The following GRK7 variants were observed in gnomAD, a reference collection of about 807,000 sequenced individuals.
GRK7 encodes rhodopsin kinase GRK7.
GRK7 carries 24 observed loss-of-function variants against 34.1 expected under a neutral mutation model. That is an observed-to-expected ratio of 0.70 (90% CI 0.51 to 0.99). GRK7 has a LOEUF of 0.99. Ranked by LOEUF, GRK7 falls within the 50% of genes least tolerant of loss-of-function variation. The pLI is 0.00. For synonymous variants in GRK7, 256 were observed against 279.4 expected (o/e 0.92, Z 0.84); for missense variants, 644 against 707.3 (o/e 0.91, Z 1.02).
chr3:141,755,669 T>G, the GRK7 span, among the ~76,000 whole-genome samples: 6,342 of 152,074 alleles, frequency 0.042, 163 homozygotes, highest in Non-Finnish European at 0.056. Flanking sequence ...TCAAATTAAA[T>G]AGACTGATAA....
At chr3:141,766,705 A>T (rs1211913938) in intron 1 of GRK7, among the ~76,000 whole-genome samples, 1 of 152,224 alleles carries the variant, frequency 6.6e-6, no homozygotes, top group Non-Finnish European at 1.5e-5. Flanking sequence ...CATATTCGCC[A>T]CATATCAAAT....
intron 4 of GRK7, among the ~76,000 whole-genome samples, chr3:141,805,098 A>G (rs1371868656): frequency 6.6e-6 from 1 of 150,708 alleles, no homozygotes; most frequent in Admixed American, 6.6e-5. Flanking sequence ...TCACATACAC[A>G]CACAATCACA....
intron 4 of GRK7, 92 bp downstream of exon 4, chr3:141,780,903 G>A: frequency 8.5e-7 from 1 of 1,181,208 alleles, no homozygotes; most frequent in Non-Finnish European, 1.2e-6. Context: ...TAGAGCCTTG[G>A]ACTTAATTCT....
intron 4 of GRK7, among the ~76,000 whole-genome samples, chr3:141,791,084 A>C (rs1182649741): frequency 2.6e-5 from 4 of 152,220 alleles, no homozygotes; most frequent in Non-Finnish European, 5.9e-5. Flanking sequence ...AAAATTTGCT[A>C]TTTTGTTAGG....
chr3:141,779,654 A>C (rs1045742731), intron 3 of GRK7, among the ~76,000 whole-genome samples: 7 of 152,156 alleles, frequency 4.6e-5, no homozygotes. Flanking sequence ...AGACACTCTC[A>C]TCACCCCTGT....
In GRK7 at chr3:141,806,918, T is replaced by C. The variant is rs140707186; in HGVS notation, c.1051-727T>C. The stretch of plus-strand genomic sequence containing the variant: ...ACACACAAGTATATATAAATAGATA[T>C]GTCTTATATATAGAAATAAATATGT... On this transcript the variant is annotated intron_variant, in intron 4 of 5. Transcript: ENST00000682958. Among the ~76,000 whole-genome samples the C allele has an allele frequency of 1.5e-3, 222 of 151,892 alleles. 1 individual carries two copies. Among genetic ancestry groups the C allele is most frequent in the Admixed American group, 3.6e-3 (55 of 15,244 alleles).
At position 141,764,693 on chromosome 3, in the gene GRK7, C is replaced by T. The variant is rs1038678009; in HGVS notation, c.-1260C>T. Among the ~76,000 whole-genome samples the T allele has an allele frequency of 3.9e-5, 6 of 152,126 alleles. No individual in the cohort carries two copies. The East Asian group carries it at 7.7e-4, about 20-fold the overall frequency. ...TCCCAGTGAGTATCTCCAGCCCAGC[C>T]CTCTCCTGTGGGTTCCAGACCCATA... is the stretch of plus-strand genomic sequence containing the variant. On this transcript the variant is annotated 5_prime_UTR_variant, in exon 1 of 6. Coordinates refer to ENST00000682958, the MANE Select transcript of GRK7 (RefSeq NM_139209.3).
At chr3:141,769,149 C>G (rs1349642032) in intron 1 of GRK7, among the ~76,000 whole-genome samples, 8 of 152,150 alleles carry the variant, frequency 5.3e-5, no homozygotes, top group Non-Finnish European at 8.8e-5. Context: ...GGGACATCTC[C>G]CAGGCACCCC....
chr3:141,797,513 A>C (rs1710905061), intron 4 of GRK7, among the ~76,000 whole-genome samples: 1 of 152,244 alleles, frequency 6.6e-6, no homozygotes, highest in East Asian at 1.9e-4. Flanking sequence ...AACAGCTGAT[A>C]GCGCTAAGCT....
chr3:141,766,152 C>T (rs1373706496), intron 1 of GRK7, among the ~76,000 whole-genome samples: 7 of 98,904 alleles, frequency 7.1e-5, no homozygotes, highest in Non-Finnish European at 2.3e-5. Context: ...AACATTTACA[C>T]GCTTAACTTA....
chr3:141,752,207 T>C, the GRK7 span, among the ~76,000 whole-genome samples: 1 of 152,244 alleles, frequency 6.6e-6, no homozygotes, highest in Non-Finnish European at 1.5e-5. Flanking sequence ...TTTGTAAGAA[T>C]TTCTTAAGTT....
chr3:141,778,803 C>A lies in GRK7; in HGVS notation c.519C>A (p.Asp173Glu), dbSNP rs367747374. 7 of 1,609,588 alleles carry A rather than the reference C, an allele frequency of 4.3e-6. No individual in the cohort carries two copies. The highest frequency in any genetic ancestry group is 1.3e-5 in the African/African-American group (1 of 74,830). Residue 173 changes from aspartate to glutamate, a missense_variant, in exon 3 of 6, where the codon GAC (aspartate) becomes GAA (glutamate). By Grantham distance (45) the Asp-to-Glu change is conservative. Coordinates refer to ENST00000682958, the MANE Select transcript of GRK7 (RefSeq NM_139209.3). This position sits in a 1 kb window ranked among gnomAD's most constrained non-coding sequence, Gnocchi z 4.1. ...ATTTCGTGACCAGCGCCTTCTACGA[C>A]AAGTTTCTGCAGTGGAAACTCTTCG... Reference protein sequence around the residue: ...FKDFVTSAFYDKFLQWKLFEM... With the variant: ...FKDFVTSAFYEKFLQWKLFEM...
At position 141,807,767 on chromosome 3, in the gene GRK7, C is replaced by T. The variant is rs768609112; in HGVS notation, c.1173C>T (p.Phe391=). 3.1e-6 allele frequency: 5 copies of T among 1,614,032 alleles called. No homozygotes were observed. In the South Asian group the frequency reaches 5.5e-5, roughly 18 times the overall value. Residue 391 remains phenylalanine (F), a synonymous_variant, in exon 5 of 6, where the codon TTC becomes TTT. Coordinates refer to ENST00000682958, the MANE Select transcript of GRK7 (RefSeq NM_139209.3). ...AAATGGTTGCTGGACGAACACCATT[C>T]AAAGATTACAAGGAAAAGGTCAGTA... ...IYEMVAGRTP[F]KDYKEKVSKE... is the part of the protein sequence containing the mutation.
At chr3:141,765,936 T>C (rs16851752) in intron 1 of GRK7, among the ~76,000 whole-genome samples, 198 bp downstream of exon 1, 9,857 of 152,228 alleles carry the variant, frequency 0.065, 322 homozygotes, top group South Asian at 0.11. Context: ...AGGTAAGAGG[T>C]GTTTAAGTGT....
chr3:141,755,611 CAAATT>C, the GRK7 span, among the ~76,000 whole-genome samples: 18 of 152,206 alleles, frequency 1.2e-4, no homozygotes, highest in African/African-American at 4.1e-4. Context: ...ATCAGAAAAT[CAAATT>C]AAAATCACAA....
Position 141,780,604 on chromosome 3 carries a change from C to T in GRK7, c.843C>T (p.Tyr281=), listed in dbSNP as rs1559841215. 2 of 1,614,212 alleles carry T rather than the reference C, an allele frequency of 1.2e-6. No individual in the cohort carries two copies. The highest frequency in any genetic ancestry group is 1.6e-4 in the Middle Eastern group (1 of 6,062). Residue 281 remains tyrosine (Y), a synonymous_variant, in exon 4 of 6, where the codon TAC becomes TAT. Transcript: ENST00000682958. ...MNGGDLKFHI[Y]NVGTRGLDMS... ...GGGGAGACCTCAAGTTCCACATCTA[C>T]AACGTGGGCACGCGTGGCCTGGACA... is the stretch of plus-strand genomic sequence containing the variant.
In GRK7 at chr3:141,817,983, C is replaced by T. The variant is rs572816502; in HGVS notation, c.*933C>T. 1 of 152,276 alleles carries T rather than the reference C, an allele frequency of 6.6e-6. No homozygotes were observed. The highest frequency in any genetic ancestry group is 2.4e-5 in the African/African-American group (1 of 41,548). The allele number at this position is 152,276 out of a possible 1,614,324, so 9.4% of individuals were successfully genotyped here. ...TACATTCAATCTTATTTTGGTTGCTCAAAACTTCAATCATACATTTTGATG... is the reference window on the plus strand; with the variant it reads ...TACATTCAATCTTATTTTGGTTGCTTAAAACTTCAATCATACATTTTGATG... On this transcript the variant is annotated 3_prime_UTR_variant, in exon 6 of 6. Coordinates refer to ENST00000682958, the MANE Select transcript of GRK7 (RefSeq NM_139209.3).
chr3:141,788,664 G>T (rs750746302), intron 4 of GRK7, among the ~76,000 whole-genome samples: 9 of 152,184 alleles, frequency 5.9e-5, no homozygotes, highest in Non-Finnish European at 1.2e-4. Context: ...AGGCAGACAC[G>T]CAAGGAGATG....
At chr3:141,762,740 C>G (rs2084561526), upstream of GRK7, among the ~76,000 whole-genome samples, 1 of 152,200 alleles carries the variant, frequency 6.6e-6, no homozygotes, top group South Asian at 2.1e-4. Flanking sequence ...AGTTTGATCT[C>G]AGACTGCTGT....
Sources: allele counts gnomAD v4.1 joint callset (sites outside exome capture counted in the v4.1 genomes callset), GRCh38; gene constraint gnomAD v4.1.1; non-coding constraint Gnocchi (gnomAD v3.1); transcripts MANE v1.5; gene names NCBI Gene and HGNC (gene_info 2026-07-23, HGNC 2026-07-21).